The following LTA4H variants were observed in gnomAD, a reference collection of about 807,000 sequenced individuals.
LTA4H encodes leukotriene A4 hydrolase, also known as leukotriene A-4 hydrolase.
Under a neutral mutation model 89.8 loss-of-function variants are expected in LTA4H, and 59 were observed. That is an observed-to-expected ratio of 0.66 (90% CI 0.53 to 0.82). LTA4H has a LOEUF of 0.82. Ranked by LOEUF, LTA4H falls within the 40% of genes least tolerant of loss-of-function variation. The pLI, the probability that LTA4H is intolerant of heterozygous loss-of-function variation, is 0.00. For synonymous variants in LTA4H, 227 were observed against 253.1 expected (o/e 0.90, Z 0.98); for missense variants, 617 against 727.0 (o/e 0.85, Z 1.74).
At chr12:96,032,125 T>G (rs551477139) in intron 1 of LTA4H, among the ~76,000 whole-genome samples, 3 of 152,366 alleles carry the variant, frequency 2.0e-5, no homozygotes, top group East Asian at 3.9e-4. Context: ...AAAGAACACC[T>G]AAACATTTCT....
At chr12:96,024,446 C>T in intron 4 of LTA4H, 33 bp downstream of exon 4, 1 of 1,241,276 alleles carries the variant, frequency 8.1e-7, no homozygotes, top group South Asian at 1.2e-5. Flanking sequence ...TGATATGCAT[C>T]ATTTAATTGA....
intron 3 of LTA4H, 159 bp downstream of exon 3, chr12:96,027,285 T>C (rs1014173144): frequency 1.5e-5 from 8 of 548,680 alleles, no homozygotes; most frequent in Non-Finnish European, 2.3e-5. Context: ...AAAGATAAAA[T>C]GAAAATATAT....
At chr12:96,019,447 C>T (rs1592886542) in intron 6 of LTA4H, among the ~76,000 whole-genome samples, 5 of 152,130 alleles carry the variant, frequency 3.3e-5, no homozygotes, top group African/African-American at 9.7e-5. Context: ...TAAGGAGGTA[C>T]AGGCTGGGCC....
chr12:96,015,731 G>A, intron 10 of LTA4H, 37 bp from the exon 11 acceptor site: 1 of 1,253,484 alleles, frequency 8.0e-7, no homozygotes, highest in Non-Finnish European at 1.2e-6. Flanking sequence ...CACGGACACA[G>A]CTGAGAAGAA....
chr12:96,024,410 C>A (rs11108380), intron 4 of LTA4H, 69 bp downstream of exon 4: 4 of 903,526 alleles, frequency 4.4e-6, no homozygotes, highest in Non-Finnish European at 5.3e-6. Flanking sequence ...ATTATCATCT[C>A]TGCTTATCAT....
intron 13 of LTA4H, 50 bp from the exon 14 acceptor site, chr12:96,013,308 A>G (rs12319438): frequency 0.12 from 145,375 of 1,216,834 alleles, 11,746 homozygotes; most frequent in African/African-American, 0.3. Context: ...CTTTCCTGTC[A>G]AAAAAAAATT....
chr12:96,039,711 ATG>A (rs1950674049), upstream of LTA4H, among the ~76,000 whole-genome samples: 1 of 152,234 alleles, frequency 6.6e-6, no homozygotes, highest in Non-Finnish European at 1.5e-5. Flanking sequence ...TAGCAAAGAT[ATG>A]TTTTGAAATG....
In LTA4H at chr12:96,017,184, C is replaced by T. The variant is rs537190434; in HGVS notation, c.877-70G>A. 189 of 1,039,822 alleles carry T rather than the reference C, an allele frequency of 1.8e-4. 1 individual carries two copies. Among genetic ancestry groups the T allele is most frequent in the Middle Eastern group, 6.7e-4 (3 of 4,462 alleles). 64.4% of individuals were successfully genotyped at this position (1,039,822 alleles called of 1,614,324 possible). On this transcript the variant is annotated intron_variant, in intron 9 of 18. Coordinates refer to ENST00000228740, the MANE Select transcript of LTA4H (RefSeq NM_000895.3). ...CTAAAATAACCCATTCTACTGTAAACACTCCATGTTATTCAATTTTTAAAA... is the reference window on the plus strand; with the variant it reads ...CTAAAATAACCCATTCTACTGTAAATACTCCATGTTATTCAATTTTTAAAA...
At chr12:96,039,943 C>G (rs1950676190), upstream of LTA4H, among the ~76,000 whole-genome samples, 1 of 152,110 alleles carries the variant, frequency 6.6e-6, no homozygotes, top group Non-Finnish European at 1.5e-5. Flanking sequence ...ACTCTAGTAC[C>G]CAGCTGTACT....
intron 15 of LTA4H, 121 bp downstream of exon 15, chr12:96,008,973 G>T: frequency 4.0e-6 from 3 of 746,640 alleles, no homozygotes; most frequent in South Asian, 1.5e-5. Context: ...AGATAAACCT[G>T]ACTTTCAAAT....
At chr12:96,021,922 G>C (rs1335414294) in intron 5 of LTA4H, among the ~76,000 whole-genome samples, 1 of 151,998 alleles carries the variant, frequency 6.6e-6, no homozygotes, top group Non-Finnish European at 1.5e-5. Context: ...AAACAGGTAT[G>C]CTCCCTATTC....
intron 12 of LTA4H, 126 bp downstream of exon 12, chr12:96,014,729 C>T: frequency 1.2e-6 from 1 of 867,190 alleles, no homozygotes; most frequent in East Asian, 2.7e-5. Flanking sequence ...ATACAGATTT[C>T]TTCAGCAGCT....
upstream of LTA4H, among the ~76,000 whole-genome samples, chr12:96,037,011 C>T (rs185771123): frequency 7.8e-3 from 1,191 of 152,332 alleles, 22 homozygotes; most frequent in African/African-American, 0.027. Context: ...CAGCACCAGG[C>T]CATGAGGGCT....
upstream of LTA4H, among the ~76,000 whole-genome samples, chr12:96,036,016 GCGGTTCCT>G (rs1950639815): frequency 6.6e-6 from 1 of 152,204 alleles, no homozygotes. Flanking sequence ...TTTCTTTCGT[GCGGTTCCT>G]CGTTAGTATA....
chr12:96,023,671 C>T (rs146057975), intron 4 of LTA4H, among the ~76,000 whole-genome samples: 100 of 152,160 alleles, frequency 6.6e-4, no homozygotes, highest in Middle Eastern at 3.4e-3. Flanking sequence ...GTCTAGCCTC[C>T]GGGATAGTGA....
At chr12:96,043,130 T>A (rs1453194726) in intron 1 of LTA4H, among the ~76,000 whole-genome samples, 1 of 152,186 alleles carries the variant, frequency 6.6e-6, no homozygotes, top group Non-Finnish European at 1.5e-5. Context: ...TGCTCCTCTT[T>A]GCTTTCTCCA....
At chr12:96,028,009 T>G (rs1322472475) in intron 2 of LTA4H, 1 of 152,126 alleles carries the variant, frequency 6.6e-6, no homozygotes, top group Non-Finnish European at 1.5e-5. Flanking sequence ...AAGTTGAGAG[T>G]CAGCATTGCA....
Position 96,035,416 on chromosome 12 carries a change from AGCGTCCG to A in LTA4H, c.97_103del (p.Arg33Ter), listed in dbSNP as rs1950629265. ...GACCGTGAGAGCAGCAGTCCCGGTC[AGCGTCCG>A]GCGAGTAAAGTCGACGCTGCAGCGC... On this transcript the variant is annotated frameshift_variant, in exon 1 of 19. Coordinates refer to ENST00000228740, the MANE Select transcript of LTA4H (RefSeq NM_000895.3). LOFTEE classifies it high-confidence loss of function. 1.9e-6 allele frequency: 3 copies of A among 1,611,268 alleles called. No individual in the cohort carries two copies. In the East Asian group the frequency reaches 6.7e-5, roughly 36 times the overall value.
At position 96,040,602 on chromosome 12, in the gene LTA4H, AG is replaced by A. The variant is rs138226217; in HGVS notation, c.87+2686del. On this transcript the variant is annotated intron_variant, in intron 1 of 17. Coordinates refer to the LTA4H transcript ENST00000413268. Reference sequence around the variant, plus strand: ...GTAGATAAGATACATTGATGGCTAGAGCTCTGACTACCATGTTGTATCATGA... The same window carrying A: ...GTAGATAAGATACATTGATGGCTAGACTCTGACTACCATGTTGTATCATGA... Among the ~76,000 whole-genome samples, 870 of 152,238 alleles carry A rather than the reference AG, an allele frequency of 5.7e-3. 6 individuals carry two copies. The highest frequency in any genetic ancestry group is 8.6e-3 in the Non-Finnish European group (582 of 68,002).
Sources: allele counts gnomAD v4.1 joint callset (sites outside exome capture counted in the v4.1 genomes callset), GRCh38; gene constraint gnomAD v4.1.1; transcripts MANE v1.5; gene names NCBI Gene and HGNC (gene_info 2026-07-23, HGNC 2026-07-21).